Variants in CCDC60 observed in about 807,000 individuals in gnomAD.
CCDC60 encodes coiled-coil domain-containing protein 60.
Under a neutral mutation model 63.5 loss-of-function variants are expected in CCDC60, and 54 were observed. The ratio of observed to expected loss-of-function variants is 0.85; its 90% CI spans 0.68 to 1.07. The LOEUF (loss-of-function observed/expected upper bound fraction) is 1.07, where lower values mean the gene tolerates loss of function less well. CCDC60 is among the 50% of genes least tolerant of loss of function. CCDC60 has a pLI of 0.00. For synonymous variants in CCDC60, 206 were observed against 238.8 expected, an observed-to-expected ratio of 0.86 and a Z score of 1.27; for missense variants, 651 against 684.3, an observed-to-expected ratio of 0.95 and a Z score of 0.54.
In CCDC60 at chr12:119,505,093, A is replaced by C; in HGVS notation, c.673A>C (p.Met225Leu). 1 of 1,606,888 alleles carries C rather than the reference A, an allele frequency of 6.2e-7. No individual in the cohort carries two copies. Among genetic ancestry groups the C allele is most frequent in the Non-Finnish European group, 8.5e-7 (1 of 1,174,950 alleles). The change falls in exon 7 of 14, where the codon ATG (methionine) becomes CTG (leucine). Residue 225 changes from methionine to leucine, a missense_variant. Physicochemically the swap from Met to Leu is conservative, Grantham distance 15. Transcript: ENST00000327554. ...PKTKKFKIPT[M>L]RVTNRKPSRR... ...GACCAAGAAATTCAAAATTCCCACA[A>C]TGCGAGTCACCAACCGCAAACCAAG...
intron 1 of CCDC60, among the ~76,000 whole-genome samples, chr12:119,360,784 C>A (rs1012006665): frequency 4.6e-5 from 7 of 152,090 alleles, no homozygotes; most frequent in Non-Finnish European, 1.0e-4. Flanking sequence ...CCAAGGCAGG[C>A]GGCTGGGAGG....
chr12:119,513,916 T>C (rs1357452187), intron 7 of CCDC60, among the ~76,000 whole-genome samples: 1 of 152,206 alleles, frequency 6.6e-6, no homozygotes, highest in African/African-American at 2.4e-5. Context: ...TTATTTTCTA[T>C]TGTAATTTTA....
intron 2 of CCDC60, 100 bp from the exon 3 acceptor site, chr12:119,471,894 T>C (rs1951066885): frequency 1.0e-6 from 1 of 990,914 alleles, no homozygotes; most frequent in African/African-American, 1.6e-5. Flanking sequence ...CTCTCTTTTC[T>C]CTTTCCTCTC....
intron 13 of CCDC60, among the ~76,000 whole-genome samples, chr12:119,534,626 G>T (rs1387813067): frequency 6.6e-6 from 1 of 152,146 alleles, no homozygotes; most frequent in Admixed American, 6.5e-5. Context: ...TTAGCATGAA[G>T]GGCTGTTGAA....
chr12:119,517,863 C>T (rs913485450), intron 8 of CCDC60, among the ~76,000 whole-genome samples: 2 of 152,190 alleles, frequency 1.3e-5, no homozygotes, highest in Non-Finnish European at 2.9e-5. Context: ...GACTTCTGAC[C>T]TCTAAAAGCC....
chr12:119,358,572 C>A (rs943752570), intron 1 of CCDC60, among the ~76,000 whole-genome samples: 15 of 152,182 alleles, frequency 9.9e-5, no homozygotes, highest in Non-Finnish European at 7.3e-5. Context: ...ACCCAAAAAA[C>A]CCCCTCAAAC....
Position 119,410,201 on chromosome 12 carries a change from CTG to C in CCDC60, c.91-18463_91-18462del, listed in dbSNP as rs975220282. ...GGAAAGAGTGTGTGTGTGTGTGTGT[CTG>C]TGTGTGTGTGTGTGTGTGGTTTCCA... On this transcript the variant is annotated intron_variant, in intron 1 of 13. Coordinates refer to ENST00000327554, the MANE Select transcript of CCDC60 (RefSeq NM_178499.5). This position sits in a 1 kb window ranked among gnomAD's most constrained non-coding sequence, Gnocchi z 4.0. 3.8e-4 allele frequency among the ~76,000 whole-genome samples: 12 copies of C among 31,770 alleles called. No individual in the cohort carries two copies. In the South Asian group the frequency reaches 6.6e-3, roughly 18 times the overall value. The allele number at this position is 31,770 out of a possible 152,430, so 20.8% of individuals were successfully genotyped here.
chr12:119,491,924 T>A (rs1951597982), intron 5 of CCDC60, among the ~76,000 whole-genome samples: 1 of 152,136 alleles, frequency 6.6e-6, no homozygotes, highest in African/African-American at 2.4e-5. Flanking sequence ...TTTCCTTTGG[T>A]TGGTTTTAGA....
At chr12:119,421,045 CG>C (rs201090174) in intron 1 of CCDC60, among the ~76,000 whole-genome samples, 1,556 of 152,130 alleles carry the variant, frequency 0.01, 23 homozygotes, top group African/African-American at 0.034. Flanking sequence ...CTCCCTTCCC[CG>C]CTCACCCCTC....
At chr12:119,539,857 T>A (rs1017399097) in intron 13 of CCDC60, among the ~76,000 whole-genome samples, 1 of 152,196 alleles carries the variant, frequency 6.6e-6, no homozygotes, top group Non-Finnish European at 1.5e-5. Context: ...GTGGAGACCA[T>A]GGGAAAAGCG....
chr12:119,360,041 C>CTGTT (rs1367344509), intron 1 of CCDC60, among the ~76,000 whole-genome samples: 2 of 152,100 alleles, frequency 1.3e-5, no homozygotes, highest in East Asian at 3.9e-4. Context: ...TCTCAATGAG[C>CTGTT]TGTTGGGCAC....
intron 1 of CCDC60, among the ~76,000 whole-genome samples, chr12:119,343,475 T>A (rs914873310): frequency 5.9e-5 from 9 of 152,048 alleles, no homozygotes; most frequent in African/African-American, 2.2e-4. Flanking sequence ...TGCAGCCTGG[T>A]ACATGATCAG....
chr12:119,456,559 C>T lies in CCDC60; in HGVS notation c.171-15435C>T, dbSNP rs191863615. On this transcript the variant is annotated intron_variant, in intron 2 of 13. Transcript: ENST00000327554. The surrounding 1 kb of genome is among the most constrained non-coding windows in gnomAD (Gnocchi z 4.6). ...CCCAAGAGAAGGTTCTTGGATCTTG[C>T]ACAAGAAAGAATTCAGGGCAAGTCC... is the stretch of plus-strand genomic sequence containing the variant. 3.3e-5 allele frequency among the ~76,000 whole-genome samples: 5 copies of T among 152,214 alleles called. No individual in the cohort carries two copies. Among genetic ancestry groups the T allele is most frequent in the Admixed American group, 1.3e-4 (2 of 15,292 alleles).
At chr12:119,468,935 T>G (rs1951004805) in intron 2 of CCDC60, among the ~76,000 whole-genome samples, 1 of 151,534 alleles carries the variant, frequency 6.6e-6, no homozygotes, top group South Asian at 2.1e-4. Flanking sequence ...TTTTTAAAAA[T>G]TAAAAAATAT....
chr12:119,382,995 G>A (rs1338732076), intron 1 of CCDC60, among the ~76,000 whole-genome samples: 1 of 152,206 alleles, frequency 6.6e-6, no homozygotes, highest in Non-Finnish European at 1.5e-5. Context: ...TGTTAGCCAT[G>A]TTCTTGAAGC....
At position 119,528,622 on chromosome 12, in the gene CCDC60, G is replaced by C; in HGVS notation, c.1237G>C (p.Glu413Gln). 2 of 1,613,290 alleles carry C rather than the reference G, an allele frequency of 1.2e-6. No homozygotes were observed. Among genetic ancestry groups the C allele is most frequent in the Admixed American group, 3.3e-5 (2 of 59,954 alleles). ...DKMEILMKRQ[E>Q]ERGIQKFRAF... is the part of the protein sequence containing the mutation. The stretch of plus-strand genomic sequence containing the variant: ...TCTCATACAACCTTGTAGGCGCCAA[G>C]AAGAGAGAGGTATCCAGAAGTTCCG... The change falls in exon 12 of 14, where the codon GAA becomes CAA. Residue 413 changes from glutamate to glutamine, a missense_variant. Physicochemically the swap from Glu to Gln is conservative, Grantham distance 29. Coordinates refer to ENST00000327554, the MANE Select transcript of CCDC60 (RefSeq NM_178499.5).
intron 1 of CCDC60, among the ~76,000 whole-genome samples, chr12:119,377,254 C>CAAA (rs60100165): frequency 1.3e-3 from 62 of 47,416 alleles, no homozygotes; most frequent in Middle Eastern, 0.015. Context: ...CACTCCATCT[C>CAAA]AAAAAAAAAA....
In CCDC60 at chr12:119,481,055, C is replaced by CCAT. The variant is rs1315158560; in HGVS notation, c.449+1866_449+1868dup. 3.3e-5 allele frequency among the ~76,000 whole-genome samples: 5 copies of CCAT among 150,496 alleles called. No homozygotes were observed. The East Asian group carries it at 7.8e-4, about 24-fold the overall frequency. ...ATCATCATCACCATCATCCTCACCA[C>CCAT]CATCATCATCATCACCATCATCATC... On this transcript the variant is annotated intron_variant, in intron 4 of 13. Transcript: ENST00000327554.
chr12:119,473,989 G>A (rs899990864), intron 3 of CCDC60, among the ~76,000 whole-genome samples: 2 of 152,174 alleles, frequency 1.3e-5, no homozygotes, highest in Non-Finnish European at 2.9e-5. Context: ...ATACTGAGTA[G>A]TGGGATTGCT....
Sources: gnomAD v4.1 joint callset for allele counts (sites outside exome capture counted in the v4.1 genomes callset) on GRCh38, gnomAD v4.1.1 for gene constraint, Gnocchi (gnomAD v3.1) non-coding constraint, MANE v1.5 for transcripts, NCBI Gene and HGNC (gene_info 2026-07-23, HGNC 2026-07-21) for gene names.